Variants in MACROD2 observed in about 807,000 individuals in gnomAD.
MACROD2 encodes the protein mono-ADP ribosylhydrolase 2.
MACROD2 carries 36 observed loss-of-function variants against 70.4 expected under a neutral mutation model. That is an observed-to-expected ratio of 0.51 (90% CI 0.39 to 0.68). MACROD2 has a LOEUF of 0.68. Among genes scored for constraint, MACROD2 ranks in the 30% least tolerant of loss-of-function variants. MACROD2 has a pLI of 0.00. For missense variants in MACROD2, 496 were observed against 538.4 expected (o/e 0.92, Z 0.78); for synonymous variants, 172 against 178.8 (o/e 0.96, Z 0.30).
intron 3 of MACROD2, among the ~76,000 whole-genome samples, chr20:14,168,464 A>G (rs2081190360): frequency 6.6e-6 from 1 of 152,166 alleles, no homozygotes; most frequent in Non-Finnish European, 1.5e-5. Flanking sequence ...CCCAGTTTTC[A>G]TATTTCCCCT....
chr20:16,040,581 T>C (rs778025095), intron 15 of MACROD2, among the ~76,000 whole-genome samples: 5 of 151,868 alleles, frequency 3.3e-5, no homozygotes, highest in Non-Finnish European at 7.4e-5. Context: ...CTTTACTACA[T>C]TGAAGCATCT....
chr20:14,931,819 AAGACCCCC>A (rs2074298092), intron 5 of MACROD2, among the ~76,000 whole-genome samples: 1 of 137,998 alleles, frequency 7.2e-6, no homozygotes, highest in South Asian at 2.9e-4. Context: ...GCAACATAAC[AAGACCCCC>A]ATCTCTTAAA....
intron 6 of MACROD2, among the ~76,000 whole-genome samples, chr20:15,399,209 C>T (rs1462761434): frequency 6.6e-6 from 1 of 152,286 alleles, no homozygotes. Context: ...ATTGTTGACA[C>T]AGTTCCTAAT....
chr20:15,783,146 G>T (rs2051863952), intron 8 of MACROD2, among the ~76,000 whole-genome samples: 2 of 151,966 alleles, frequency 1.3e-5, no homozygotes, highest in Admixed American at 6.5e-5. Flanking sequence ...GACTATTGAG[G>T]ATGACAAGTC....
chr20:15,480,809 C>G (rs147845812), intron 7 of MACROD2, among the ~76,000 whole-genome samples: 1 of 152,118 alleles, frequency 6.6e-6, no homozygotes, highest in Non-Finnish European at 1.5e-5. Flanking sequence ...TTTGGAATGA[C>G]GTTGTCCCTC....
At chr20:14,862,053 A>T (rs8117576) in intron 5 of MACROD2, among the ~76,000 whole-genome samples, 383 of 6,026 alleles carry the variant, frequency 0.064, 34 homozygotes, top group Middle Eastern at 0.25. Context: ...ATATATATTT[A>T]TATATATATA....
At chr20:15,862,918 T>A (rs1165824435) in intron 9 of MACROD2, 92 bp downstream of exon 9, 5 of 914,582 alleles carry the variant, frequency 5.5e-6, no homozygotes, top group Non-Finnish European at 6.7e-6. Context: ...TCTTCAGGAC[T>A]GTTACACATG....
At chr20:14,532,655 T>G (rs999026563) in intron 4 of MACROD2, among the ~76,000 whole-genome samples, 3 of 152,130 alleles carry the variant, frequency 2.0e-5, no homozygotes, top group Admixed American at 2.0e-4. Context: ...TCCCCCCTCT[T>G]GGTTAAGAGA....
chr20:14,405,607 T>C (rs1249763465), intron 3 of MACROD2, among the ~76,000 whole-genome samples: 2 of 152,188 alleles, frequency 1.3e-5, no homozygotes, highest in African/African-American at 4.8e-5. Context: ...TCTGCTTAGA[T>C]TATTTTATGT....
At chr20:15,374,265 CTT>C (rs1270042010) in intron 6 of MACROD2, among the ~76,000 whole-genome samples, 2 of 151,374 alleles carry the variant, frequency 1.3e-5, no homozygotes, top group African/African-American at 4.9e-5. Flanking sequence ...AATACAATCC[CTT>C]ATATATAATC....
chr20:15,814,309 G>A (rs1333397846), intron 8 of MACROD2, among the ~76,000 whole-genome samples: 5 of 152,144 alleles, frequency 3.3e-5, no homozygotes, highest in Non-Finnish European at 5.9e-5. Flanking sequence ...CACATGGCAG[G>A]CTGCCAGTGA....
chr20:14,047,562 C>T (rs1490529298), intron 2 of MACROD2, among the ~76,000 whole-genome samples: 16 of 149,272 alleles, frequency 1.1e-4, no homozygotes, highest in African/African-American at 3.9e-4. Context: ...TTTTTTTTTC[C>T]TTAAGCTGGG....
At chr20:14,357,210 C>T (rs550406875) in intron 3 of MACROD2, among the ~76,000 whole-genome samples, 26 of 152,280 alleles carry the variant, frequency 1.7e-4, no homozygotes, top group Admixed American at 1.5e-3. Context: ...TACAGCTGGC[C>T]ATGGCAGTCT....
chr20:15,447,180 A>G (rs2046579910), intron 7 of MACROD2, among the ~76,000 whole-genome samples: 1 of 152,014 alleles, frequency 6.6e-6, no homozygotes, highest in Non-Finnish European at 1.5e-5. Flanking sequence ...GGTAAAAAAT[A>G]GGAATTGTGG....
chr20:15,798,630 T>A (rs2063696913), intron 8 of MACROD2, among the ~76,000 whole-genome samples: 1 of 152,174 alleles, frequency 6.6e-6, no homozygotes, highest in South Asian at 2.1e-4. Context: ...TATAGAAGGG[T>A]ATGTATGATG....
At chr20:14,998,094 A>ACAT (rs1159491299) in intron 5 of MACROD2, among the ~76,000 whole-genome samples, 1 of 152,230 alleles carries the variant, frequency 6.6e-6, no homozygotes, top group Non-Finnish European at 1.5e-5. Flanking sequence ...TTAGATCACA[A>ACAT]CATTCATTTC....
At chr20:15,178,284 A>G (rs974508233) in intron 5 of MACROD2, among the ~76,000 whole-genome samples, 4 of 152,182 alleles carry the variant, frequency 2.6e-5, no homozygotes, top group African/African-American at 9.6e-5. Flanking sequence ...CTCAGCTGGC[A>G]GGAAAGATGC....
At chr20:15,150,827 A>C (rs1023513841) in intron 5 of MACROD2, among the ~76,000 whole-genome samples, 2 of 151,982 alleles carry the variant, frequency 1.3e-5, no homozygotes, top group Non-Finnish European at 2.9e-5. Flanking sequence ...AGGTGGGGAT[A>C]ACTAAAAAGG....
chr20:15,365,638 G>A (rs1401439587), intron 6 of MACROD2, among the ~76,000 whole-genome samples: 1 of 151,718 alleles, frequency 6.6e-6, no homozygotes. Context: ...TCCAGCCTGG[G>A]CGACAGAGCG....
Sources: allele counts gnomAD v4.1 joint callset (sites outside exome capture counted in the v4.1 genomes callset), GRCh38; gene constraint gnomAD v4.1.1; transcripts MANE v1.5; gene names NCBI Gene and HGNC (gene_info 2026-07-23, HGNC 2026-07-21).